Variants in PBX3 observed in about 807,000 individuals in gnomAD.
PBX3 encodes the protein pre-B-cell leukemia transcription factor 3.
PBX3 carries 14 observed loss-of-function variants against 48.5 expected under a neutral mutation model. That is an observed-to-expected ratio of 0.29 (90% CI 0.19 to 0.45). PBX3 has a LOEUF of 0.45. Among genes scored for constraint, PBX3 ranks in the 20% least tolerant of loss-of-function variants. The probability of loss-of-function intolerance (pLI) is 1.00; values close to 1 mark genes in which losing one functional copy is unlikely to be tolerated. For missense variants in PBX3, 386 were observed against 546.7 expected (o/e 0.71, Z 2.93); for synonymous variants, 210 against 200.3 (o/e 1.05, Z -0.41).
chr9:125,806,002 A>G (rs1838114220), intron 2 of PBX3, among the ~76,000 whole-genome samples: 1 of 152,204 alleles, frequency 6.6e-6, no homozygotes, highest in African/African-American at 2.4e-5. Flanking sequence ...CTATGTATCT[A>G]TGTATCCATC....
chr9:125,959,989 T>C (rs1294401755), intron 5 of PBX3, among the ~76,000 whole-genome samples: 1 of 152,218 alleles, frequency 6.6e-6, no homozygotes, highest in African/African-American at 2.4e-5. Context: ...AAATCTCTCT[T>C]CCATTTGCAC....
At chr9:125,797,890 G>A (rs1312129566) in intron 2 of PBX3, among the ~76,000 whole-genome samples, 1 of 152,056 alleles carries the variant, frequency 6.6e-6, no homozygotes, top group Non-Finnish European at 1.5e-5. Context: ...TAGCAAGAAA[G>A]TTTGTGAAAT....
chr9:125,919,055 C>T (rs1001205818), intron 3 of PBX3, among the ~76,000 whole-genome samples: 3 of 152,038 alleles, frequency 2.0e-5, no homozygotes, highest in African/African-American at 2.4e-5. Context: ...CAGAATCAGA[C>T]GTTGAAATCA....
chr9:125,875,600 T>C (rs1294949188), intron 2 of PBX3, among the ~76,000 whole-genome samples: 1 of 152,150 alleles, frequency 6.6e-6, no homozygotes, highest in Non-Finnish European at 1.5e-5. Context: ...ATTATTCTGA[T>C]AACCTACCAA....
In PBX3 at chr9:125,795,384, A is replaced by C. The variant is rs145158943; in HGVS notation, c.274+46761A>C. On this transcript the variant is annotated intron_variant, in intron 2 of 8. Transcript: ENST00000373489. Reference sequence around the variant, plus strand: ...GAAATTATTTGGTGGCTGAGAAAACATTTGATTCAGAATTTAGGAAAAGAG... The same window carrying C: ...GAAATTATTTGGTGGCTGAGAAAACCTTTGATTCAGAATTTAGGAAAAGAG... Among the ~76,000 whole-genome samples, 581 of 152,340 alleles carry C rather than the reference A, an allele frequency of 3.8e-3. 1 individual carries two copies. Among genetic ancestry groups the C allele is most frequent in the Middle Eastern group, 0.017 (5 of 294 alleles).
At chr9:125,846,831 A>C (rs1839437423) in intron 2 of PBX3, among the ~76,000 whole-genome samples, 1 of 152,050 alleles carries the variant, frequency 6.6e-6, no homozygotes, top group Non-Finnish European at 1.5e-5. Context: ...AACAGAATGC[A>C]GGTAAGGTCT....
At chr9:125,948,704 A>AAG (rs1842117997) in intron 5 of PBX3, among the ~76,000 whole-genome samples, 1 of 106,894 alleles carries the variant, frequency 9.4e-6, no homozygotes, top group Non-Finnish European at 2.1e-5. Flanking sequence ...GCAGGTATAT[A>AAG]CGTGTGTGTG....
intron 2 of PBX3, among the ~76,000 whole-genome samples, chr9:125,816,061 G>C (rs1381250278): frequency 6.6e-6 from 1 of 152,050 alleles, no homozygotes; most frequent in Admixed American, 6.6e-5. Context: ...CTGCGGTTTA[G>C]GGGTGCGATC....
At chr9:125,801,790 T>TACACACACACACACACACACAC (rs367989628) in intron 2 of PBX3, among the ~76,000 whole-genome samples, 1 of 146,320 alleles carries the variant, frequency 6.8e-6, no homozygotes, top group African/African-American at 2.5e-5. Context: ...TGTATACACA[T>TACACACACACACACACACACAC]ACACACACAC....
intron 2 of PBX3, among the ~76,000 whole-genome samples, chr9:125,902,608 G>T (rs985730300): frequency 5.3e-5 from 8 of 151,566 alleles, no homozygotes; most frequent in Non-Finnish European, 1.2e-4. Flanking sequence ...AATGTTTATT[G>T]ATGAAAATAT....
At chr9:125,750,408 CA>C (rs1426646050) in intron 2 of PBX3, among the ~76,000 whole-genome samples, 2 of 152,208 alleles carry the variant, frequency 1.3e-5, no homozygotes, top group Admixed American at 1.3e-4. Flanking sequence ...CATTTAGCAG[CA>C]GGCAGAATTC....
intron 3 of PBX3, among the ~76,000 whole-genome samples, chr9:125,920,252 CTCTG>C (rs1315640774): frequency 2.0e-5 from 3 of 152,162 alleles, no homozygotes; most frequent in Non-Finnish European, 4.4e-5. Flanking sequence ...CTAGTTGCTT[CTCTG>C]TCTTATTGTT....
intron 2 of PBX3, among the ~76,000 whole-genome samples, chr9:125,785,260 G>A (rs1837428732): frequency 6.6e-6 from 1 of 152,184 alleles, no homozygotes; most frequent in South Asian, 2.1e-4. Context: ...GTCTGTGAGG[G>A]TGTTGCCAGA....
intron 2 of PBX3, among the ~76,000 whole-genome samples, chr9:125,874,825 C>G (rs1226403962): frequency 2.0e-5 from 3 of 152,130 alleles, no homozygotes; most frequent in African/African-American, 7.2e-5. Flanking sequence ...ACTTGGAGCT[C>G]TTCTCTTAGG....
chr9:125,851,596 A>G (rs1027264154), intron 2 of PBX3, among the ~76,000 whole-genome samples: 1 of 152,148 alleles, frequency 6.6e-6, no homozygotes, highest in East Asian at 1.9e-4. Context: ...ATATATTATG[A>G]AGCCTGACAT....
At chr9:125,853,399 A>G (rs1839634367) in intron 2 of PBX3, among the ~76,000 whole-genome samples, 1 of 152,102 alleles carries the variant, frequency 6.6e-6, no homozygotes, top group Non-Finnish European at 1.5e-5. Context: ...CTGAGACTTG[A>G]TTTTCTCTTT....
intron 2 of PBX3, among the ~76,000 whole-genome samples, chr9:125,749,802 C>T (rs1476946189): frequency 6.6e-6 from 1 of 152,232 alleles, no homozygotes; most frequent in Non-Finnish European, 1.5e-5. Context: ...CAATACTATT[C>T]TGATCCTAAA....
intron 2 of PBX3, among the ~76,000 whole-genome samples, chr9:125,827,292 T>C (rs1838835366): frequency 3.3e-5 from 5 of 152,178 alleles, no homozygotes; most frequent in Admixed American, 3.3e-4. Context: ...AGCCTTTTAT[T>C]TCTTCCTGTT....
intron 4 of PBX3, among the ~76,000 whole-genome samples, 198 bp from the exon 5 acceptor site, chr9:125,935,274 T>C (rs1841809666): frequency 6.6e-6 from 1 of 152,236 alleles, no homozygotes; most frequent in Non-Finnish European, 1.5e-5. Flanking sequence ...TTTTTCTCAG[T>C]GATCCTACAT....
Sources: gnomAD v4.1 joint callset for allele counts (sites outside exome capture counted in the v4.1 genomes callset) on GRCh38, gnomAD v4.1.1 for gene constraint, MANE v1.5 for transcripts, NCBI Gene and HGNC (gene_info 2026-07-23, HGNC 2026-07-21) for gene names.